BRCC3: variants seen among roughly 807,000 people sequenced by gnomAD.
BRCC3 encodes the protein BRCA1/BRCA2-containing complex subunit 3.
Under a neutral mutation model 28.0 loss-of-function variants are expected in BRCC3, and 15 were observed. The ratio of observed to expected loss-of-function variants is 0.54; its 90% CI spans 0.36 to 0.82. BRCC3 has a LOEUF of 0.82. Among genes scored for constraint, BRCC3 ranks in the 40% least tolerant of loss-of-function variants. The pLI is 0.01. For missense variants in BRCC3, 109 were observed against 225.9 expected, an observed-to-expected ratio of 0.48 and a Z score of 3.32; for synonymous variants, 66 against 80.3, an observed-to-expected ratio of 0.82 and a Z score of 0.95.
intron 7 of BRCC3, among the ~76,000 whole-genome samples, chrX:155,105,352 G>A (rs782710262): frequency 8.1e-5 from 9 of 111,260 alleles, no homozygotes; most frequent in East Asian, 5.7e-4. Flanking sequence ...GTGTGGTGGC[G>A]CATGCCTGTA....
intron 5 of BRCC3, among the ~76,000 whole-genome samples, chrX:155,084,277 G>A (rs1245376582): frequency 3.6e-5 from 4 of 112,084 alleles, no homozygotes; most frequent in Non-Finnish European, 7.5e-5. Context: ...CTTATCCAAG[G>A]AGACATGTAC....
At chrX:155,120,241 A>G in intron 10 of BRCC3, 73 bp downstream of exon 10, 1 of 790,657 alleles carries the variant, frequency 1.3e-6, no homozygotes, top group Non-Finnish European at 1.9e-6. Context: ...GCAGGCAGAC[A>G]ATAGAGTAGT....
At chrX:155,102,628 G>A (rs1557296996) in intron 7 of BRCC3, among the ~76,000 whole-genome samples, 1 of 111,601 alleles carries the variant, frequency 9.0e-6, no homozygotes, top group Non-Finnish European at 1.9e-5. Context: ...GTTGAATACA[G>A]CTGGTAAGAG....
At chrX:155,098,054 T>A (rs868989787) in intron 7 of BRCC3, among the ~76,000 whole-genome samples, 3 of 112,767 alleles carry the variant, frequency 2.7e-5, no homozygotes, top group Middle Eastern at 9.1e-3. Flanking sequence ...ACAACTCAGT[T>A]TCTTAGCCTT....
chrX:155,087,495 T>C (rs1267603095), intron 5 of BRCC3, among the ~76,000 whole-genome samples: 1 of 111,791 alleles, frequency 8.9e-6, no homozygotes, highest in Non-Finnish European at 1.9e-5. Context: ...GCAACTTAGA[T>C]CTATGGTTCT....
At chrX:155,087,229 G>A (rs782015767) in intron 5 of BRCC3, among the ~76,000 whole-genome samples, 1 of 111,837 alleles carries the variant, frequency 8.9e-6, no homozygotes, top group East Asian at 2.8e-4. Flanking sequence ...ATGCCAGAAC[G>A]ATCCCACCCG....
chrX:155,109,392 T>A (rs977882215), intron 7 of BRCC3, among the ~76,000 whole-genome samples: 2 of 112,021 alleles, frequency 1.8e-5, no homozygotes, highest in African/African-American at 6.5e-5. Flanking sequence ...TGGGATAGAA[T>A]TGAATCCATT....
intron 5 of BRCC3, among the ~76,000 whole-genome samples, chrX:155,084,648 C>T (rs1163903979): frequency 8.9e-6 from 1 of 112,160 alleles, no homozygotes; most frequent in East Asian, 2.8e-4. Flanking sequence ...CAGGCCTGAG[C>T]CACCGTGCCC....
intron 3 of BRCC3, among the ~76,000 whole-genome samples, chrX:155,075,309 CTTCCCCACACTAAA>C (rs2074028171): frequency 9.2e-6 from 1 of 108,916 alleles, no homozygotes; most frequent in African/African-American, 3.5e-5. Context: ...CCTTCTTGTT[CTTCCCCACACTAAA>C]TGTGGCCACT....
At chrX:155,091,535 A>C (rs1048220142) in intron 7 of BRCC3, among the ~76,000 whole-genome samples, 10 of 111,459 alleles carry the variant, frequency 9.0e-5, no homozygotes, top group Non-Finnish European at 1.9e-4. Context: ...GCCTCCTAAA[A>C]TACTGGGATT....
chrX:155,115,965 GC>G, intron 7 of BRCC3, 91 bp from the exon 8 acceptor site: 1 of 873,296 alleles, frequency 1.1e-6, no homozygotes, highest in Non-Finnish European at 1.6e-6. Flanking sequence ...TTTAAAGTAT[GC>G]CATATCCCAA....
intron 7 of BRCC3, chrX:155,099,497 A>T: frequency 9.4e-7 from 1 of 1,066,528 alleles, no homozygotes; most frequent in Non-Finnish European, 1.2e-6. Context: ...GGCAGAACTC[A>T]GTCAAGTGGC....
intron 7 of BRCC3, among the ~76,000 whole-genome samples, chrX:155,114,813 G>A (rs1376043510): frequency 1.8e-5 from 2 of 111,099 alleles, no homozygotes; most frequent in African/African-American, 6.5e-5. Context: ...TAATTTACAT[G>A]TAATTGGAGC....
At chrX:155,109,366 T>A (rs1484437550) in intron 7 of BRCC3, among the ~76,000 whole-genome samples, 1 of 112,055 alleles carries the variant, frequency 8.9e-6, no homozygotes, top group Non-Finnish European at 1.9e-5. Flanking sequence ...CTGAAACATG[T>A]CAGCTGAAAT....
rs1437221867 is a variant in BRCC3, at chrX:155,116,317, G to A, written c.680+129G>A. ...TTTTGCCTCTCTGGGAAGCTTTCTAGCAGTCTCCAATCATAATGTTTCTCA... is the reference window on the plus strand; with the variant it reads ...TTTTGCCTCTCTGGGAAGCTTTCTAACAGTCTCCAATCATAATGTTTCTCA... On this transcript the variant is annotated intron_variant, in intron 8 of 10. Transcript: ENST00000330045. 3 of 567,323 alleles carry A rather than the reference G, an allele frequency of 5.3e-6. No individual in the cohort carries two copies. The African/African-American group carries it at 7.1e-5, about 13-fold the overall frequency. 46.8% of individuals were successfully genotyped at this position (567,323 alleles called of 1,213,427 possible). A position where few individuals can be genotyped will look rare whatever the true frequency, so the allele number is the denominator to read the frequency against.
intron 5 of BRCC3, among the ~76,000 whole-genome samples, chrX:155,080,001 A>G (rs977377281): frequency 9.0e-6 from 1 of 111,437 alleles, no homozygotes; most frequent in African/African-American, 3.3e-5. Flanking sequence ...CCTTATTCAG[A>G]TTCTTTAATT....
intron 7 of BRCC3, among the ~76,000 whole-genome samples, chrX:155,094,413 A>G (rs1305756578): frequency 9.0e-5 from 10 of 111,009 alleles, no homozygotes; most frequent in African/African-American, 3.0e-4. Context: ...AAGCTTGGTT[A>G]TTAAACATTT....
chrX:155,096,461 A>G (rs1451813645), intron 7 of BRCC3, among the ~76,000 whole-genome samples: 1 of 112,075 alleles, frequency 8.9e-6, no homozygotes, highest in Non-Finnish European at 1.9e-5. Context: ...ATTTTAATGG[A>G]CGTTTTTCCA....
chrX:155,081,704 C>T (rs781975647), intron 5 of BRCC3, among the ~76,000 whole-genome samples: 2 of 111,722 alleles, frequency 1.8e-5, no homozygotes, highest in African/African-American at 6.5e-5. Flanking sequence ...GGGAGAGTGA[C>T]GTGACCATTT....
Sources: gnomAD v4.1 joint callset for allele counts (sites outside exome capture counted in the v4.1 genomes callset) on GRCh38, gnomAD v4.1.1 for gene constraint, MANE v1.5 for transcripts, NCBI Gene and HGNC (gene_info 2026-07-23, HGNC 2026-07-21) for gene names.